Variants in KCNIP4 observed in about 807,000 individuals in gnomAD.
KCNIP4 encodes the protein potassium voltage-gated channel interacting protein 4.
A neutral mutation model predicts 34.0 loss-of-function variants in KCNIP4; 12 were observed. The observed-to-expected ratio is 0.35, with a 90% CI of 0.23 to 0.57. The LOEUF is 0.57. Among genes scored for constraint, KCNIP4 ranks in the 20% least tolerant of loss-of-function variants. The pLI is 0.83. For synonymous variants in KCNIP4, 124 were observed against 102.2 expected, an observed-to-expected ratio of 1.21 and a Z score of -1.29; for missense variants, 238 against 311.7, an observed-to-expected ratio of 0.76 and a Z score of 1.78.
Position 21,774,223 on chromosome 4 carries a change from G to A in KCNIP4, c.61+174348C>T, listed in dbSNP as rs377331622. ...TTAGTTTGGCTGGATATGAAACGCC[G>A]GGTTGAAAATTCTTTTCTTTAAGAA... On this transcript the variant is annotated intron_variant, in intron 1 of 8. Coordinates refer to ENST00000382152, the MANE Select transcript of KCNIP4 (RefSeq NM_025221.6). Among the ~76,000 whole-genome samples the A allele has an allele frequency of 3.9e-5, 6 of 152,010 alleles. No individual in the cohort carries two copies. The East Asian group carries it at 9.7e-4, about 24-fold the overall frequency.
chr4:20,808,980 A>G (rs970855062), intron 3 of KCNIP4, among the ~76,000 whole-genome samples: 1 of 152,214 alleles, frequency 6.6e-6, no homozygotes, highest in Non-Finnish European at 1.5e-5. Context: ...TGAGCTAAAA[A>G]GATTAGGAAC....
intron 1 of KCNIP4, among the ~76,000 whole-genome samples, chr4:21,650,822 G>C (rs916283896): frequency 4.6e-5 from 7 of 152,198 alleles, no homozygotes; most frequent in African/African-American, 1.7e-4. Context: ...CTGGAGTTTG[G>C]GGGTCCTCTG....
intron 1 of KCNIP4, among the ~76,000 whole-genome samples, chr4:21,631,481 A>G (rs1052638612): frequency 1.4e-4 from 22 of 152,210 alleles, no homozygotes; most frequent in Non-Finnish European, 3.1e-4. Context: ...AGCAATGAAG[A>G]TATAAACTTA....
At chr4:21,051,765 G>A (rs1314319358) in intron 1 of KCNIP4, among the ~76,000 whole-genome samples, 6 of 152,150 alleles carry the variant, frequency 3.9e-5, no homozygotes, top group African/African-American at 1.4e-4. Flanking sequence ...ACTTGGAAGA[G>A]GCAAGCTGAT....
At chr4:21,763,610 C>T (rs1718205623) in intron 1 of KCNIP4, among the ~76,000 whole-genome samples, 1 of 152,078 alleles carries the variant, frequency 6.6e-6, no homozygotes, top group Admixed American at 6.6e-5. Flanking sequence ...TGGGTCTGTC[C>T]CCTGAGCTGG....
At chr4:21,397,394 G>A (rs1723097754) in intron 1 of KCNIP4, among the ~76,000 whole-genome samples, 1 of 152,078 alleles carries the variant, frequency 6.6e-6, no homozygotes, top group African/African-American at 2.4e-5. Flanking sequence ...TTTATCAATA[G>A]CATACTAAGA....
chr4:21,226,050 TC>T (rs1172413865), intron 1 of KCNIP4, among the ~76,000 whole-genome samples: 8 of 151,944 alleles, frequency 5.3e-5, no homozygotes, highest in Non-Finnish European at 1.5e-5. Context: ...CCTTAAATCT[TC>T]TTCATTCGAA....
intron 1 of KCNIP4, among the ~76,000 whole-genome samples, chr4:21,695,325 G>A (rs1262638547): frequency 1.3e-5 from 2 of 151,992 alleles, no homozygotes; most frequent in Non-Finnish European, 2.9e-5. Context: ...ATTTTTACAA[G>A]AAACAGGTTG....
At chr4:21,476,611 G>C (rs527670881) in intron 1 of KCNIP4, among the ~76,000 whole-genome samples, 1 of 152,240 alleles carries the variant, frequency 6.6e-6, no homozygotes, top group South Asian at 2.1e-4. Flanking sequence ...GAGCCACCTA[G>C]CCTGTGGTAT....
chr4:20,963,517 ACTC>A (rs773601654), intron 1 of KCNIP4, among the ~76,000 whole-genome samples: 6 of 152,026 alleles, frequency 3.9e-5, no homozygotes, highest in South Asian at 2.1e-4. Context: ...TTATTAATGA[ACTC>A]CTACATGCTC....
At chr4:21,074,552 C>A (rs188531104) in intron 1 of KCNIP4, among the ~76,000 whole-genome samples, 1 of 152,002 alleles carries the variant, frequency 6.6e-6, no homozygotes, top group Non-Finnish European at 1.5e-5. Flanking sequence ...GTCTTGCTAG[C>A]GCTCTATTAA....
intron 1 of KCNIP4, among the ~76,000 whole-genome samples, chr4:21,101,949 G>C (rs894174649): frequency 6.6e-6 from 1 of 152,098 alleles, no homozygotes; most frequent in Non-Finnish European, 1.5e-5. Context: ...TGTATAGAAA[G>C]CTAAGAGAGG....
At chr4:21,406,521 T>C (rs1334134525) in intron 1 of KCNIP4, among the ~76,000 whole-genome samples, 1 of 152,226 alleles carries the variant, frequency 6.6e-6, no homozygotes, top group African/African-American at 2.4e-5. Flanking sequence ...TTATGACTTT[T>C]ATTAAATCAC....
At chr4:21,392,968 A>G (rs750382809) in intron 1 of KCNIP4, among the ~76,000 whole-genome samples, 18 of 152,192 alleles carry the variant, frequency 1.2e-4, no homozygotes, top group Non-Finnish European at 2.5e-4. Context: ...GCAATAAATC[A>G]CTTGAAGAAA....
rs142191871 is a variant in KCNIP4 at position 21,166,666 on chromosome 4, C to T, written c.62-283957G>A. Among the ~76,000 whole-genome samples the T allele has an allele frequency of 3.2e-3, 483 of 151,612 alleles. 3 individuals carry two copies. Among genetic ancestry groups the T allele is most frequent in the African/African-American group, 0.011 (454 of 41,288 alleles). On this transcript the variant is annotated intron_variant, in intron 1 of 8. Coordinates refer to ENST00000382152, the MANE Select transcript of KCNIP4 (RefSeq NM_025221.6). ...CAAGAAGTGAGTGGATGGCCTGGTG[C>T]GGTGGCTCACGCCTGTAAACCCAGC...
intron 1 of KCNIP4, among the ~76,000 whole-genome samples, chr4:21,900,148 A>G (rs992618002): frequency 2.6e-5 from 4 of 152,206 alleles, no homozygotes; most frequent in African/African-American, 9.6e-5. Context: ...ATCTCAACAT[A>G]TATTTCAAAT....
chr4:21,054,964 T>G (rs2108957244), intron 1 of KCNIP4, among the ~76,000 whole-genome samples: 1 of 152,144 alleles, frequency 6.6e-6, no homozygotes, highest in African/African-American at 2.4e-5. Context: ...AAGGAAATGT[T>G]AAGAAAATGC....
intron 1 of KCNIP4, among the ~76,000 whole-genome samples, chr4:21,832,636 A>T (rs1206175654): frequency 1.3e-5 from 2 of 149,534 alleles, no homozygotes; most frequent in East Asian, 4.0e-4. Context: ...CATGTGCACA[A>T]TGTGCAGGTT....
chr4:21,217,569 C>T (rs373203301), intron 1 of KCNIP4, among the ~76,000 whole-genome samples: 18 of 152,024 alleles, frequency 1.2e-4, no homozygotes, highest in African/African-American at 4.1e-4. Context: ...AGATGATTGA[C>T]CTAGACTTGG....
Sources: allele counts gnomAD v4.1 joint callset (sites outside exome capture counted in the v4.1 genomes callset), GRCh38; gene constraint gnomAD v4.1.1; transcripts MANE v1.5; gene names NCBI Gene and HGNC (gene_info 2026-07-23, HGNC 2026-07-21).